Variants in SLC24A2 observed in about 807,000 individuals in gnomAD.
The protein encoded by SLC24A2 is solute carrier family 24 member 2, also known as sodium/potassium/calcium exchanger 2.
Under a neutral mutation model 62.0 loss-of-function variants are expected in SLC24A2, and 36 were observed. The ratio of observed to expected loss-of-function variants is 0.58; its 90% CI spans 0.44 to 0.77. SLC24A2 has a LOEUF of 0.77. Among genes scored for constraint, SLC24A2 ranks in the 30% least tolerant of loss-of-function variants. The probability of loss-of-function intolerance (pLI) is 0.00; values close to 1 mark genes in which losing one functional copy is unlikely to be tolerated. For missense variants in SLC24A2, 846 were observed against 817.9 expected, an observed-to-expected ratio of 1.03 and a Z score of -0.42; for synonymous variants, 358 against 294.0, an observed-to-expected ratio of 1.22 and a Z score of -2.23.
chr9:20,020,778 G>C, the SLC24A2 span, among the ~76,000 whole-genome samples: 2 of 152,064 alleles, frequency 1.3e-5, no homozygotes, highest in Non-Finnish European at 2.9e-5. Context: ...TCAAAGCTCA[G>C]GCTCTTTTCC....
intron 2 of SLC24A2, among the ~76,000 whole-genome samples, chr9:19,676,071 T>C (rs375932014): frequency 3.3e-5 from 5 of 152,288 alleles, no homozygotes; most frequent in African/African-American, 1.2e-4. Flanking sequence ...TACCCCTGTA[T>C]TTTGCTCAGC....
At chr9:19,584,636 T>TA (rs1356752642) in intron 5 of SLC24A2, among the ~76,000 whole-genome samples, 1 of 152,164 alleles carries the variant, frequency 6.6e-6, no homozygotes, top group African/African-American at 2.4e-5. Flanking sequence ...ATTTTTTTTT[T>TA]AATTATTGTA....
At chr9:20,117,779 T>G in the SLC24A2 span, among the ~76,000 whole-genome samples, 2 of 152,164 alleles carry the variant, frequency 1.3e-5, no homozygotes, top group Non-Finnish European at 2.9e-5. Context: ...TAAGGGCTTA[T>G]TATGTGTCAA....
chr9:20,103,900 C>A, the SLC24A2 span, among the ~76,000 whole-genome samples: 1 of 152,094 alleles, frequency 6.6e-6, no homozygotes, highest in African/African-American at 2.4e-5. Flanking sequence ...CAAACTACTC[C>A]AAGCTACAGG....
the SLC24A2 span, among the ~76,000 whole-genome samples, chr9:20,126,756 A>G: frequency 6.6e-6 from 1 of 152,150 alleles, no homozygotes; most frequent in Non-Finnish European, 1.5e-5. Flanking sequence ...ATGTTCATGC[A>G]TATCCTTAAT....
the SLC24A2 span, among the ~76,000 whole-genome samples, chr9:20,071,011 T>G: frequency 6.6e-6 from 1 of 152,166 alleles, no homozygotes; most frequent in African/African-American, 2.4e-5. Context: ...TGATAGTGAG[T>G]TCTTGTGAGA....
At chr9:20,142,801 G>C in the SLC24A2 span, among the ~76,000 whole-genome samples, 1 of 152,002 alleles carries the variant, frequency 6.6e-6, no homozygotes, top group African/African-American at 2.4e-5. Flanking sequence ...TCACCGTGTT[G>C]GTCAGGCTGG....
At chr9:20,063,617 A>C in the SLC24A2 span, among the ~76,000 whole-genome samples, 26 of 152,280 alleles carry the variant, frequency 1.7e-4, no homozygotes, top group African/African-American at 5.8e-4. Context: ...CATTGTGCAC[A>C]TGTACCCTAA....
chr9:19,937,507 C>T, the SLC24A2 span, among the ~76,000 whole-genome samples: 1 of 152,152 alleles, frequency 6.6e-6, no homozygotes, highest in African/African-American at 2.4e-5. Flanking sequence ...CAGTTTTGTA[C>T]TAGCAGAATT....
At chr9:19,827,515 A>AT in the SLC24A2 span, among the ~76,000 whole-genome samples, 138 of 151,342 alleles carry the variant, frequency 9.1e-4, no homozygotes, top group East Asian at 5.3e-3. Context: ...TATATATATA[A>AT]AAATTAGCTT....
the SLC24A2 span, among the ~76,000 whole-genome samples, chr9:20,230,577 GTTGT>G: frequency 9.9e-4 from 148 of 150,150 alleles, 1 homozygote; most frequent in African/African-American, 3.2e-3. Flanking sequence ...TTTTGATGGG[GTTGT>G]TTGTTTTTTT....
At chr9:20,242,001 C>T in the SLC24A2 span, among the ~76,000 whole-genome samples, 9 of 152,184 alleles carry the variant, frequency 5.9e-5, no homozygotes, top group African/African-American at 2.2e-4. Context: ...ATTCTAATGA[C>T]CTGCCAGCCT....
the SLC24A2 span, among the ~76,000 whole-genome samples, chr9:20,080,265 T>G: frequency 0.053 from 8,065 of 152,208 alleles, 690 homozygotes; most frequent in African/African-American, 0.18. Context: ...CATGGTACTG[T>G]TACCAAAACA....
chr9:20,109,392 C>T, the SLC24A2 span, among the ~76,000 whole-genome samples: 1 of 152,186 alleles, frequency 6.6e-6, no homozygotes, highest in African/African-American at 2.4e-5. Flanking sequence ...AGGAATGTTT[C>T]CACGACCCTA....
chr9:20,233,219 AAT>A, the SLC24A2 span, among the ~76,000 whole-genome samples: 4 of 152,068 alleles, frequency 2.6e-5, no homozygotes, highest in Non-Finnish European at 4.4e-5. Flanking sequence ...TGGAGTGGAG[AAT>A]TCTGTAGATG....
the SLC24A2 span, among the ~76,000 whole-genome samples, chr9:19,846,572 G>C: frequency 6.6e-6 from 1 of 152,138 alleles, no homozygotes; most frequent in East Asian, 1.9e-4. Context: ...TAAGTGGATT[G>C]TTTAGACCAT....
At chr9:20,276,584 C>T in the SLC24A2 span, among the ~76,000 whole-genome samples, 1 of 152,212 alleles carries the variant, frequency 6.6e-6, no homozygotes, top group Non-Finnish European at 1.5e-5. Flanking sequence ...TGTCCCTCTT[C>T]TCACTGCTCC....
At chr9:20,288,981 G>C in the SLC24A2 span, among the ~76,000 whole-genome samples, 1 of 151,976 alleles carries the variant, frequency 6.6e-6, no homozygotes, top group Non-Finnish European at 1.5e-5. Context: ...AAGTCCCTGA[G>C]TCAGAGCCTT....
chr9:20,111,290 C>A, the SLC24A2 span, among the ~76,000 whole-genome samples: 1 of 152,124 alleles, frequency 6.6e-6, no homozygotes, highest in African/African-American at 2.4e-5. Flanking sequence ...TGGAGGTTAG[C>A]CAGATCTCCC....
Sources: gnomAD v4.1 joint callset for allele counts (sites outside exome capture counted in the v4.1 genomes callset) on GRCh38, gnomAD v4.1.1 for gene constraint, MANE v1.5 for transcripts, NCBI Gene and HGNC (gene_info 2026-07-23, HGNC 2026-07-21) for gene names.